MAP7D2: variants seen among roughly 807,000 people sequenced by gnomAD.
The protein encoded by MAP7D2 is MAP7 domain containing 2.
A neutral mutation model predicts 63.5 loss-of-function variants in MAP7D2; 33 were observed. That is an observed-to-expected ratio of 0.52 (90% CI 0.39 to 0.70). The LOEUF is 0.70. MAP7D2 is among the 30% of genes least tolerant of loss of function. The pLI is 0.00. For synonymous variants in MAP7D2, 224 were observed against 223.7 expected (o/e 1.00, Z -0.01); for missense variants, 626 against 604.0 (o/e 1.04, Z -0.38).
At chrX:20,056,602 C>T in intron 4 of MAP7D2, 78 bp downstream of exon 4, 1 of 814,696 alleles carries the variant, frequency 1.2e-6, no homozygotes, top group Non-Finnish European at 1.8e-6. Flanking sequence ...TGGAGACACC[C>T]AGTGGTGCCC....
chrX:20,021,322 T>A (rs1276503597), intron 10 of MAP7D2: 2 of 112,618 alleles, frequency 1.8e-5, no homozygotes, highest in African/African-American at 6.5e-5. Flanking sequence ...CTTACCAGTT[T>A]GTGACAATAA....
Position 20,056,674 on chromosome X carries a change from A to G in MAP7D2, c.484+6T>C. On this transcript the variant is annotated splice_donor_region_variant and intron_variant, in intron 4 of 16. Coordinates refer to ENST00000379643, the MANE Select transcript of MAP7D2 (RefSeq NM_001168465.2). ...ACCTGAAATACAGGGGCAACCCTAC[A>G]CTCACCATCATGTCCTCCGGGTCCA... is the stretch of plus-strand genomic sequence containing the variant. 8.3e-7 allele frequency: 1 copy of G among 1,201,688 alleles called. No homozygotes were observed. The highest frequency in any genetic ancestry group is 1.1e-6 in the Non-Finnish European group (1 of 886,931).
intron 1 of MAP7D2, among the ~76,000 whole-genome samples, chrX:20,077,360 C>T (rs955631167): frequency 9.0e-6 from 1 of 111,169 alleles, no homozygotes; most frequent in African/African-American, 3.3e-5. Context: ...GGCTGAGGCA[C>T]GAGAATTGCT....
chrX:20,019,825 T>C (rs1292208742), intron 10 of MAP7D2, among the ~76,000 whole-genome samples: 1 of 111,583 alleles, frequency 9.0e-6, no homozygotes, highest in Non-Finnish European at 1.9e-5. Context: ...TTAGGTACCC[T>C]TGTGAGCATT....
intron 1 of MAP7D2, among the ~76,000 whole-genome samples, chrX:20,077,566 A>C (rs183530040): frequency 6.9e-4 from 78 of 112,614 alleles, no homozygotes; most frequent in African/African-American, 2.4e-3. Context: ...AGTGAGAATT[A>C]AATGAGATAT....
At position 20,007,122 on chromosome X, in the gene MAP7D2, C is replaced by T. The variant is rs1029394716; in HGVS notation, c.*1303G>A. 5 of 112,054 alleles carry T rather than the reference C, an allele frequency of 4.5e-5. No homozygotes were observed. The highest frequency in any genetic ancestry group is 1.3e-4 in the African/African-American group (4 of 30,828). 9.2% of individuals were successfully genotyped at this position (112,054 alleles called of 1,213,427 possible). A position where few individuals can be genotyped will look rare whatever the true frequency, so the allele number is the denominator to read the frequency against. ...GCACCGCATTATGTGGAGGCATGTA[C>T]TTTATTGAGTAGAGACACATACACA... On this transcript the variant is annotated 3_prime_UTR_variant, in exon 17 of 17. Transcript: ENST00000379643.
At chrX:20,099,524 C>T (rs2066372043) in intron 1 of MAP7D2, among the ~76,000 whole-genome samples, 1 of 111,903 alleles carries the variant, frequency 8.9e-6, no homozygotes, top group Non-Finnish European at 1.9e-5. Context: ...ACGAAGACAT[C>T]TGTGCCCACC....
intron 1 of MAP7D2, among the ~76,000 whole-genome samples, chrX:20,068,917 C>T (rs963759328): frequency 1.8e-5 from 2 of 111,680 alleles, no homozygotes; most frequent in African/African-American, 6.5e-5. Context: ...TTTATTTCTG[C>T]GTTTGCATCT....
intron 12 of MAP7D2, among the ~76,000 whole-genome samples, chrX:20,014,387 G>A (rs901264508): frequency 1.4e-4 from 16 of 111,471 alleles, no homozygotes; most frequent in African/African-American, 4.9e-4. Flanking sequence ...GGCCAACATG[G>A]TGAAATCCCA....
chrX:20,074,134 TC>T, intron 1 of MAP7D2, among the ~76,000 whole-genome samples: 1 of 92,243 alleles, frequency 1.1e-5, no homozygotes. Context: ...AAACTCCGTC[TC>T]AAAAAAAAAA....
intron 6 of MAP7D2, among the ~76,000 whole-genome samples, chrX:20,045,629 A>G (rs775059971): frequency 1.8e-5 from 2 of 109,671 alleles, no homozygotes; most frequent in Admixed American, 9.8e-5. Context: ...CCAATCATCA[A>G]ACCTGGGGTG....
chrX:20,069,813 T>C (rs1320706358), intron 1 of MAP7D2, among the ~76,000 whole-genome samples: 1 of 105,946 alleles, frequency 9.4e-6, no homozygotes, highest in African/African-American at 3.5e-5. Flanking sequence ...TTTCACTCTG[T>C]CACCCAGGCT....
Position 20,024,958 on chromosome X carries a change from G to A in MAP7D2, c.1405C>T (p.Gln469Ter). Residue 469 changes from glutamine to a stop codon, truncating the protein, a stop_gained, in exon 10 of 17, where the codon CAA (glutamine) becomes TAA (stop). Coordinates refer to ENST00000379643, the MANE Select transcript of MAP7D2 (RefSeq NM_001168465.2). LOFTEE classifies it high-confidence loss of function. Reference sequence around the variant, plus strand: ...TTCTGAGCACTAGCATACCTATCTTGTTCTTCCTTCTCCAGTCGTTCTTGC... The same window carrying A: ...TTCTGAGCACTAGCATACCTATCTTATTCTTCCTTCTCCAGTCGTTCTTGC... ...EEQERLEKEE[Q>*]DRLEREELKR... The A allele has an allele frequency of 5.0e-6, 6 of 1,210,266 alleles. No homozygotes were observed. The highest frequency in any genetic ancestry group is 6.7e-6 in the Non-Finnish European group (6 of 894,847).
chrX:20,115,359 A>G (rs1254275993), intron 1 of MAP7D2, among the ~76,000 whole-genome samples: 1 of 110,097 alleles, frequency 9.1e-6, no homozygotes, highest in Non-Finnish European at 1.9e-5. Context: ...GAAACAAACT[A>G]TTATTTAAGC....
intron 1 of MAP7D2, among the ~76,000 whole-genome samples, chrX:20,088,342 G>A (rs2065969826): frequency 1.9e-5 from 2 of 105,865 alleles, no homozygotes; most frequent in Non-Finnish European, 3.9e-5. Flanking sequence ...TCCCAGGCTG[G>A]AGTGTGCCAT....
chrX:20,009,663 CAAA>C (rs35018861), intron 16 of MAP7D2, among the ~76,000 whole-genome samples: 1 of 17,734 alleles, frequency 5.6e-5, no homozygotes, highest in African/African-American at 2.5e-4. Context: ...GATTCCATCT[CAAA>C]AAAAAAAAAA....
chrX:20,045,817 T>C (rs1426751073), intron 6 of MAP7D2, among the ~76,000 whole-genome samples: 2 of 111,410 alleles, frequency 1.8e-5, no homozygotes, highest in Non-Finnish European at 3.8e-5. Context: ...TGAGCTGTTT[T>C]GAGAGGTAAA....
At chrX:20,064,195 C>G (rs955501745) in intron 2 of MAP7D2, among the ~76,000 whole-genome samples, 6 of 112,193 alleles carry the variant, frequency 5.3e-5, no homozygotes, top group Non-Finnish European at 1.9e-5. Context: ...AACCTGAAAG[C>G]TCCTCATTTG....
chrX:20,044,374 TCTC>T lies in MAP7D2; in HGVS notation c.866_868del (p.Gly289del). ...TGGTTTTAAACCTACCAGAGAGGCCTCTCCTCCTGAAAGGGCTTCTTTCCCAAC... is the reference window on the plus strand; with the variant it reads ...TGGTTTTAAACCTACCAGAGAGGCCTCTCCTGAAAGGGCTTCTTTCCCAAC... On this transcript the variant is annotated inframe_deletion, in exon 7 of 17. Coordinates refer to ENST00000379643, the MANE Select transcript of MAP7D2 (RefSeq NM_001168465.2). 8.3e-7 allele frequency: 1 copy of T among 1,211,076 alleles called. No homozygotes were observed. Among genetic ancestry groups the T allele is most frequent in the East Asian group, 3.0e-5 (1 of 33,823 alleles).
Sources: allele counts gnomAD v4.1 joint callset (sites outside exome capture counted in the v4.1 genomes callset), GRCh38; gene constraint gnomAD v4.1.1; transcripts MANE v1.5; gene names NCBI Gene and HGNC (gene_info 2026-07-23, HGNC 2026-07-21).